Variants in TJP2 observed in about 807,000 individuals in gnomAD.
The protein encoded by TJP2 is Friedreich ataxia region gene X104 (tight junction protein ZO-2).
In TJP2, 91 loss-of-function variants were observed where a neutral mutation model predicts 133.1. The observed-to-expected ratio is 0.68, with a 90% CI of 0.58 to 0.81. The LOEUF (loss-of-function observed/expected upper bound fraction) is 0.81, where lower values mean the gene tolerates loss of function less well. TJP2 is among the 40% of genes least tolerant of loss of function. The probability of loss-of-function intolerance (pLI) is 0.00; values close to 1 mark genes in which losing one functional copy is unlikely to be tolerated. For synonymous variants in TJP2, 592 were observed against 583.4 expected, an observed-to-expected ratio of 1.01 and a Z score of -0.21; for missense variants, 1,541 against 1,565.6, an observed-to-expected ratio of 0.98 and a Z score of 0.26.
chr9:69,231,099 A>G (rs1394054416), intron 11 of TJP2, among the ~76,000 whole-genome samples: 1 of 144,850 alleles, frequency 6.9e-6, no homozygotes, highest in Non-Finnish European at 1.5e-5. Flanking sequence ...ATAGAGTACT[A>G]GGGAACTGTT....
At chr9:69,251,651 G>A (rs1000830145) in intron 21 of TJP2, among the ~76,000 whole-genome samples, 31 of 152,168 alleles carry the variant, frequency 2.0e-4, no homozygotes, top group African/African-American at 7.2e-4. Flanking sequence ...GTGCCTCTCG[G>A]AAGTCGTTTT....
intron 2 of TJP2, among the ~76,000 whole-genome samples, chr9:69,160,647 G>C (rs1264390643): frequency 6.6e-6 from 1 of 152,190 alleles, no homozygotes; most frequent in Non-Finnish European, 1.5e-5. Flanking sequence ...TGGTGTATTA[G>C]TCTATTTTCA....
chr9:69,145,659 G>C (rs1322090369), intron 1 of TJP2: 1 of 1,154,672 alleles, frequency 8.7e-7, no homozygotes, highest in Non-Finnish European at 1.1e-6. Flanking sequence ...TGCTTCAGGT[G>C]AACAGTGACT....
rs141496493 is a variant in TJP2 at position 69,220,939 on chromosome 9, C to G, written c.395C>G (p.Pro132Arg). ...GTGGCCGCACTTCAGGCCAGCCCTC[C>G]CCTGGATCAGGATGACCGGGCTTTT... ...VQVAALQASPPLDQDDRAFEV... is the reference protein window; with the variant it reads ...VQVAALQASPRLDQDDRAFEV... Residue 132 changes from proline to arginine, a missense_variant, in exon 5 of 23, where the codon CCC becomes CGC. Physicochemically the swap from Pro to Arg is moderately radical, Grantham distance 103. Coordinates refer to ENST00000377245, the MANE Select transcript of TJP2 (RefSeq NM_004817.4). The G allele has an allele frequency of 2.5e-4, 404 of 1,612,646 alleles. No homozygotes were observed. In the African/African-American group the frequency reaches 4.9e-3, roughly 20 times the overall value.
At chr9:69,160,805 A>G (rs1263762228) in intron 2 of TJP2, among the ~76,000 whole-genome samples, 1 of 152,174 alleles carries the variant, frequency 6.6e-6, no homozygotes, top group African/African-American at 2.4e-5. Context: ...AAGAGAAGAG[A>G]GCTTGTGCAG....
chr9:69,131,761 C>T (rs979340179), intron 1 of TJP2, among the ~76,000 whole-genome samples: 1 of 152,172 alleles, frequency 6.6e-6, no homozygotes, highest in African/African-American at 2.4e-5. Context: ...AACATTCCTG[C>T]TGGCCCCTGT....
intron 1 of TJP2, among the ~76,000 whole-genome samples, chr9:69,132,213 A>G (rs781208186): frequency 7.2e-5 from 11 of 152,214 alleles, no homozygotes; most frequent in Non-Finnish European, 1.2e-4. Flanking sequence ...TCAGACTCAC[A>G]CAAGGAAAGC....
intron 1 of TJP2, among the ~76,000 whole-genome samples, chr9:69,200,862 A>C (rs1211186477): frequency 6.6e-6 from 1 of 152,118 alleles, no homozygotes; most frequent in African/African-American, 2.4e-5. Context: ...TCCTAGGATT[A>C]ATTCTTCCCA....
At chr9:69,176,145 A>G (rs1019538659) in intron 1 of TJP2, among the ~76,000 whole-genome samples, 6 of 152,180 alleles carry the variant, frequency 3.9e-5, no homozygotes, top group African/African-American at 1.2e-4. Flanking sequence ...GATTGGTCCT[A>G]TATGCATTCC....
chr9:69,130,961 T>G (rs909972151), intron 1 of TJP2, among the ~76,000 whole-genome samples: 8 of 146,296 alleles, frequency 5.5e-5, no homozygotes, highest in African/African-American at 2.2e-4. Flanking sequence ...GCCTGGCCTT[T>G]CCACCATTCT....
intron 1 of TJP2, among the ~76,000 whole-genome samples, chr9:69,129,971 C>T (rs1021363809): frequency 6.3e-4 from 88 of 139,756 alleles, no homozygotes; most frequent in African/African-American, 2.3e-3. Context: ...GCCAAGATCA[C>T]GCCATTGCAC....
At chr9:69,253,362 T>C (rs1266946851) in intron 22 of TJP2, 1 of 168,370 alleles carries the variant, frequency 5.9e-6, no homozygotes, top group African/African-American at 2.4e-5. Context: ...ACACAAACAG[T>C]AGGAATGTTC....
At position 69,246,778 on chromosome 9, in the gene TJP2, C is replaced by G; in HGVS notation, c.2655C>G (p.Val885=). The G allele has an allele frequency of 2.5e-6, 4 of 1,614,026 alleles. No homozygotes were observed. Among genetic ancestry groups the G allele is most frequent in the South Asian group, 1.1e-5 (1 of 91,072 alleles). The change falls in exon 18 of 23, where the codon GTC becomes GTG. Residue 885 remains valine (V), a synonymous_variant. Coordinates refer to ENST00000377245, the MANE Select transcript of TJP2 (RefSeq NM_004817.4). ...ATCAGCAAGGAGAAGCGGTTTGGGT[C>G]TCTGAAGGAAAGGTATGTGGCATAG... ...IQHQQGEAVW[V]SEGKMEGMDD...
chr9:69,178,658 C>T lies in TJP2; in HGVS notation c.60+4226C>T, dbSNP rs530765637. Among the ~76,000 whole-genome samples, 4 of 152,324 alleles carry T rather than the reference C, an allele frequency of 2.6e-5. No individual in the cohort carries two copies. In the South Asian group the frequency reaches 8.3e-4, roughly 32 times the overall value. ...ATCCTGCTCTTATCCACTCAGATCT[C>T]TTAGATGTGGTTGCAGACAGTGTAT... is the stretch of plus-strand genomic sequence containing the variant. On this transcript the variant is annotated intron_variant, in intron 1 of 22. Coordinates refer to ENST00000377245, the MANE Select transcript of TJP2 (RefSeq NM_004817.4).
chr9:69,125,758 A>G (rs1822285948), intron 1 of TJP2, among the ~76,000 whole-genome samples: 1 of 77,350 alleles, frequency 1.3e-5, no homozygotes, highest in African/African-American at 3.9e-5. Context: ...AAAATTAACA[A>G]TAGTTTCTTC....
intron 2 of TJP2, among the ~76,000 whole-genome samples, chr9:69,153,374 G>C (rs968503314): frequency 6.6e-6 from 1 of 152,122 alleles, no homozygotes; most frequent in Non-Finnish European, 1.5e-5. Context: ...CTTGAGCCCA[G>C]GAGTTTGAGA....
At chr9:69,230,648 T>C (rs1022562141) in intron 11 of TJP2, among the ~76,000 whole-genome samples, 3 of 152,166 alleles carry the variant, frequency 2.0e-5, no homozygotes, top group Non-Finnish European at 1.5e-5. Context: ...TCAGACTGGG[T>C]GATTGGAATT....
intron 11 of TJP2, 40 bp from the exon 12 acceptor site, chr9:69,234,399 T>TTTC (rs772707888): frequency 0.012 from 3,032 of 245,214 alleles, 4 homozygotes; most frequent in South Asian, 0.059. Flanking sequence ...TCTTTCTTTC[T>TTTC]TTTTTTTTTT....
intron 1 of TJP2, among the ~76,000 whole-genome samples, chr9:69,190,273 C>T (rs1353759463): frequency 1.3e-5 from 2 of 152,210 alleles, no homozygotes; most frequent in Admixed American, 6.5e-5. Flanking sequence ...AATTCTTCTA[C>T]ACAGTGTCTT....
Sources: gnomAD v4.1 joint callset for allele counts (sites outside exome capture counted in the v4.1 genomes callset) on GRCh38, gnomAD v4.1.1 for gene constraint, MANE v1.5 for transcripts, NCBI Gene and HGNC (gene_info 2026-07-23, HGNC 2026-07-21) for gene names.